Variants in PRDM6 observed in about 807,000 individuals in gnomAD.
PRDM6 encodes the protein PR/SET domain 6.
A neutral mutation model predicts 60.8 loss-of-function variants in PRDM6; 25 were observed. That is an observed-to-expected ratio of 0.41 (90% CI 0.30 to 0.57). The LOEUF (loss-of-function observed/expected upper bound fraction) is 0.57, where lower values mean the gene tolerates loss of function less well. Among genes scored for constraint, PRDM6 ranks in the 20% least tolerant of loss-of-function variants. PRDM6 has a pLI of 0.27. For synonymous variants in PRDM6, 407 were observed against 357.4 expected (o/e 1.14, Z -1.57); for missense variants, 839 against 821.3 (o/e 1.02, Z -0.26).
At position 123,193,338 on chromosome 5, in the gene PRDM6, A is replaced by T. The variant is rs572779575; in HGVS notation, c.*6137A>T. On this transcript the variant is annotated 3_prime_UTR_variant, in exon 8 of 8. Coordinates refer to ENST00000407847, the MANE Select transcript of PRDM6 (RefSeq NM_001136239.4). ...TCTACAGCACAACTCTTTCATGTTT[A>T]AAAGCAATTATGCCGTATCAGGTGA... The T allele has an allele frequency of 6.6e-6, 1 of 152,310 alleles. No homozygotes were observed. The highest frequency in any genetic ancestry group is 1.9e-4 in the East Asian group (1 of 5,182). 9.4% of individuals were successfully genotyped at this position (152,310 alleles called of 1,614,324 possible).
Position 123,090,053 on chromosome 5 carries a change from C to G in PRDM6, c.39C>G (p.Leu13=). ...KPGDPGGSAF[L]KVDPAYLQHW... is the part of the protein sequence containing the mutation. ...GAGACCCCGGCGGTTCGGCCTTCCT[C>G]AAAGTGGACCCAGCCTACCTGCAGC... The change falls in exon 2 of 8, where the codon CTC becomes CTG. Residue 13 remains leucine, a synonymous_variant. Transcript: ENST00000407847. 1.3e-6 allele frequency: 2 copies of G among 1,548,402 alleles called. No individual in the cohort carries two copies. The highest frequency in any genetic ancestry group is 1.7e-6 in the Non-Finnish European group (2 of 1,146,080).
Position 123,159,680 on chromosome 5 carries a change from C to A in PRDM6, c.1153+42C>A, listed in dbSNP as rs924348027. ...GCTCTGAATTCACATTTCAATATAC[C>A]TATTTCAAAGCTAACTTTTTAAGAG... On this transcript the variant is annotated intron_variant, in intron 5 of 7. Transcript: ENST00000407847. The A allele has an allele frequency of 9.1e-6, 14 of 1,539,258 alleles. No homozygotes were observed. The Admixed American group carries it at 2.0e-4, about 22-fold the overall frequency.
intron 3 of PRDM6, among the ~76,000 whole-genome samples, chr5:123,114,829 A>G (rs1368518581): frequency 1.3e-5 from 2 of 152,180 alleles, no homozygotes; most frequent in African/African-American, 2.4e-5. Flanking sequence ...TTTTATTCCA[A>G]GTGAAATAGA....
chr5:123,147,422 T>A (rs1298671612), intron 3 of PRDM6, among the ~76,000 whole-genome samples: 1 of 152,208 alleles, frequency 6.6e-6, no homozygotes, highest in Non-Finnish European at 1.5e-5. Context: ...GAGACAGTTG[T>A]GCACTGTGGA....
At chr5:123,180,121 C>A (rs757577230) in intron 6 of PRDM6, 26 bp from the exon 7 acceptor site, 2 of 1,511,894 alleles carry the variant, frequency 1.3e-6, no homozygotes, top group Non-Finnish European at 1.8e-6. Flanking sequence ...AAAACAATGA[C>A]CAGACAGTCT....
At position 123,090,058 on chromosome 5, in the gene PRDM6, T is replaced by G; in HGVS notation, c.44T>G (p.Val15Gly). 6.5e-7 allele frequency: 1 copy of G among 1,548,360 alleles called. No homozygotes were observed. The highest frequency in any genetic ancestry group is 8.7e-7 in the Non-Finnish European group (1 of 1,146,084). ...GDPGGSAFLK[V>G]DPAYLQHWQQ... is the part of the protein sequence containing the mutation. The stretch of plus-strand genomic sequence containing the variant: ...CCCGGCGGTTCGGCCTTCCTCAAAG[T>G]GGACCCAGCCTACCTGCAGCACTGG... The change falls in exon 2 of 8, where the codon GTG (valine) becomes GGG (glycine). Residue 15 changes from valine (V) to glycine (G), a missense_variant. This residue lies in a region of PRDM6 where 730 missense variants were observed against 648.8 expected (regional missense o/e 1.13). Transcript: ENST00000407847.
In PRDM6 at chr5:123,187,249, G is replaced by A. The variant is rs1374379802; in HGVS notation, c.*48G>A. The A allele has an allele frequency of 7.7e-6, 11 of 1,423,788 alleles. No individual in the cohort carries two copies. The African/African-American group carries it at 8.5e-5, about 11-fold the overall frequency. 88.2% of individuals were successfully genotyped at this position (1,423,788 alleles called of 1,614,324 possible). Reference sequence around the variant, plus strand: ...ACTGCAAGGAAAGTCATGATTAAATGTCACGGACACTTAAGCAAAACCAAA... The same window carrying A: ...ACTGCAAGGAAAGTCATGATTAAATATCACGGACACTTAAGCAAAACCAAA... On this transcript the variant is annotated 3_prime_UTR_variant, in exon 8 of 8. Coordinates refer to ENST00000407847, the MANE Select transcript of PRDM6 (RefSeq NM_001136239.4).
At chr5:123,139,628 A>T (rs1765053461) in intron 3 of PRDM6, among the ~76,000 whole-genome samples, 1 of 152,196 alleles carries the variant, frequency 6.6e-6, no homozygotes, top group African/African-American at 2.4e-5. Context: ...GTCCTCAGGG[A>T]TGCAGGTGTC....
At chr5:123,179,616 C>A (rs967793991) in intron 6 of PRDM6, among the ~76,000 whole-genome samples, 1 of 152,184 alleles carries the variant, frequency 6.6e-6, no homozygotes, top group Non-Finnish European at 1.5e-5. Flanking sequence ...CCTAGAACGG[C>A]CTTAGTATCA....
At chr5:123,125,716 G>A (rs17149983) in intron 3 of PRDM6, among the ~76,000 whole-genome samples, 15,037 of 152,152 alleles carry the variant, frequency 0.099, 880 homozygotes, top group African/African-American at 0.17. Context: ...ACTTTTTGGG[G>A]GACTTCCAAT....
intron 3 of PRDM6, among the ~76,000 whole-genome samples, chr5:123,124,477 T>C (rs1764650576): frequency 6.6e-6 from 1 of 152,242 alleles, no homozygotes; most frequent in African/African-American, 2.4e-5. Context: ...GCTCCATTGG[T>C]AAATGTATTT....
At chr5:123,095,964 A>G (rs970105287) in intron 2 of PRDM6, among the ~76,000 whole-genome samples, 15 of 152,110 alleles carry the variant, frequency 9.9e-5, no homozygotes, top group African/African-American at 3.6e-4. Context: ...CTTTAAAGAC[A>G]TTGAAACAAC....
At chr5:123,133,481 C>G (rs1039185223) in intron 3 of PRDM6, among the ~76,000 whole-genome samples, 7 of 151,990 alleles carry the variant, frequency 4.6e-5, no homozygotes, top group Non-Finnish European at 8.8e-5. Context: ...CCTAAATATC[C>G]TTTTTTATTA....
rs887357127 is a variant in PRDM6 at position 123,156,088 on chromosome 5, G to T, written c.1028+77G>T. 1.6e-5 allele frequency: 23 copies of T among 1,402,750 alleles called. No homozygotes were observed. In the Admixed American group the frequency reaches 5.2e-4, roughly 32 times the overall value. 86.9% of individuals were successfully genotyped at this position (1,402,750 alleles called of 1,614,324 possible). ...ATATACAAATTCAGGCTTGCCACTG[G>T]TGGGTAAAAAAAATCCTGCAGAACT... On this transcript the variant is annotated intron_variant, in intron 4 of 7. Coordinates refer to ENST00000407847, the MANE Select transcript of PRDM6 (RefSeq NM_001136239.4).
intron 3 of PRDM6, among the ~76,000 whole-genome samples, chr5:123,122,457 A>G (rs898610002): frequency 2.0e-5 from 3 of 152,150 alleles, no homozygotes; most frequent in Admixed American, 6.5e-5. Flanking sequence ...AGCGGGACTA[A>G]CTTCTTCTTT....
In PRDM6 at chr5:123,090,496, G is replaced by A; in HGVS notation, c.482G>A (p.Arg161His). 6.7e-7 allele frequency: 1 copy of A among 1,488,740 alleles called. No homozygotes were observed. Among genetic ancestry groups the A allele is most frequent in the Non-Finnish European group, 8.9e-7 (1 of 1,128,036 alleles). 92.2% of individuals were successfully genotyped at this position (1,488,740 alleles called of 1,614,324 possible). A position where few individuals can be genotyped will look rare whatever the true frequency, so the allele number is the denominator to read the frequency against. Reference protein sequence around the residue: ...GGGGGGGGEGRGAPRFRCSAE... With the variant: ...GGGGGGGGEGHGAPRFRCSAE... ...GGTGGCGGCGGCGGCGGGGAGGGTCGCGGCGCCCCGCGCTTCCGCTGCAGC... is the reference window on the plus strand; with the variant it reads ...GGTGGCGGCGGCGGCGGGGAGGGTCACGGCGCCCCGCGCTTCCGCTGCAGC... Residue 161 changes from arginine to histidine, a missense_variant, in exon 2 of 8, where the codon CGC becomes CAC. Coordinates refer to ENST00000407847, the MANE Select transcript of PRDM6 (RefSeq NM_001136239.4).
At chr5:123,147,279 A>AAGAGAGAGAGAGAGAGAGAG (rs3036135) in intron 3 of PRDM6, among the ~76,000 whole-genome samples, 153 of 147,570 alleles carry the variant, frequency 1.0e-3, no homozygotes, top group South Asian at 4.9e-3. Flanking sequence ...TGATACTAAA[A>AAGAGAGAGAGAGAGAGAGAG]AGAGAGAGAG....
At chr5:123,093,682 T>C (rs922086624) in intron 2 of PRDM6, among the ~76,000 whole-genome samples, 3 of 152,316 alleles carry the variant, frequency 2.0e-5, no homozygotes, top group Non-Finnish European at 4.4e-5. Flanking sequence ...CATTTGCTGC[T>C]GGGCTGCCTG....
intron 3 of PRDM6, among the ~76,000 whole-genome samples, chr5:123,105,976 C>T (rs555027706): frequency 6.6e-6 from 1 of 152,344 alleles, no homozygotes; most frequent in South Asian, 2.1e-4. Context: ...GGCTCAAACC[C>T]TGATTTACTC....
Sources: allele counts gnomAD v4.1 joint callset (sites outside exome capture counted in the v4.1 genomes callset), GRCh38; gene constraint gnomAD v4.1.1; regional missense constraint gnomAD v4.1.1; transcripts MANE v1.5; gene names NCBI Gene and HGNC (gene_info 2026-07-23, HGNC 2026-07-21).